PTPRZ1: variants seen among roughly 807,000 people sequenced by gnomAD.
PTPRZ1 encodes receptor-type tyrosine-protein phosphatase zeta.
Under a neutral mutation model 214.1 loss-of-function variants are expected in PTPRZ1, and 82 were observed. The observed-to-expected ratio is 0.38, with a 90% confidence interval of 0.32 to 0.46. The LOEUF is 0.46. PTPRZ1 is among the 20% of genes least tolerant of loss of function. The probability of loss-of-function intolerance (pLI) is 1.00; values close to 1 mark genes in which losing one functional copy is unlikely to be tolerated. For synonymous variants in PTPRZ1, 945 were observed against 987.9 expected (o/e 0.96, Z 0.81); for missense variants, 2,603 against 2,748.7 (o/e 0.95, Z 1.19).
intron 8 of PTPRZ1, among the ~76,000 whole-genome samples, chr7:121,996,062 TGCAGTAATAATGATAA>T (rs1254635985): frequency 1.3e-5 from 2 of 152,032 alleles, no homozygotes; most frequent in Admixed American, 6.6e-5. Context: ...ATGCAAATAA[TGCAGTAATAATGATAA>T]AATAGGCAAT....
chr7:122,045,793 G>T (rs1341741714), intron 23 of PTPRZ1, among the ~76,000 whole-genome samples: 2 of 151,494 alleles, frequency 1.3e-5, no homozygotes, highest in Non-Finnish European at 2.9e-5. Context: ...GATATGGTAA[G>T]CTAAATAATC....
At chr7:121,875,729 T>A (rs759365828) in intron 1 of PTPRZ1, among the ~76,000 whole-genome samples, 1 of 152,220 alleles carries the variant, frequency 6.6e-6, no homozygotes, top group Non-Finnish European at 1.5e-5. Flanking sequence ...CCTGGAGGCA[T>A]TGGCAACATC....
Position 121,968,025 on chromosome 7 carries a change from G to A in PTPRZ1, c.199G>A (p.Asp67Asn), listed in dbSNP as rs957458674. ...CCCAAAACAATCTCCTATCAATATT[G>A]ATGAAGATCTTACACAAGTAAATGT... ...NSPKQSPINI[D>N]EDLTQVNVNL... The change falls in exon 3 of 30, where the codon GAT becomes AAT. Residue 67 changes from aspartate to asparagine, a missense_variant. Physicochemically the swap from Asp to Asn is conservative, Grantham distance 23 (BLOSUM62 1). Coordinates refer to ENST00000393386, the MANE Select transcript of PTPRZ1 (RefSeq NM_002851.3). The A allele has an allele frequency of 1.9e-6, 3 of 1,594,520 alleles. No individual in the cohort carries two copies. Among genetic ancestry groups the A allele is most frequent in the Admixed American group, 1.7e-5 (1 of 59,008 alleles).
intron 1 of PTPRZ1, among the ~76,000 whole-genome samples, chr7:121,920,197 G>T (rs2116340884): frequency 6.6e-6 from 1 of 152,186 alleles, no homozygotes; most frequent in Admixed American, 6.6e-5. Context: ...AACTTCCTGA[G>T]TGACCCCAAT....
intron 8 of PTPRZ1, among the ~76,000 whole-genome samples, chr7:121,996,000 A>G (rs890992513): frequency 6.6e-6 from 1 of 152,240 alleles, no homozygotes; most frequent in Admixed American, 6.5e-5. Context: ...TCTTATGTTT[A>G]TAATCCACTA....
intron 11 of PTPRZ1, 43 bp downstream of exon 11, chr7:122,004,703 G>A: frequency 8.9e-7 from 1 of 1,126,588 alleles, no homozygotes; most frequent in Non-Finnish European, 1.3e-6. Context: ...AATATTAAAT[G>A]GTCTATTTTG....
rs141982430 is a variant in PTPRZ1 at position 122,011,557 on chromosome 7, A to T, written c.2511A>T (p.Thr837=). The change falls in exon 12 of 30, where the codon ACA becomes ACT. Residue 837 remains threonine, a synonymous_variant. Coordinates refer to ENST00000393386, the MANE Select transcript of PTPRZ1 (RefSeq NM_002851.3). ...FSSELFRHLH[T]VSQILPQVTS... is the part of the protein sequence containing the mutation. ...GTGAATTGTTTCGCCATCTGCATAC[A>T]GTTTCTCAAATCCTTCCACAAGTTA... The T allele has an allele frequency of 4.3e-6, 7 of 1,613,940 alleles. No homozygotes were observed. Among genetic ancestry groups the T allele is most frequent in the Non-Finnish European group, 5.9e-6 (7 of 1,179,972 alleles).
intron 29 of PTPRZ1, among the ~76,000 whole-genome samples, chr7:122,060,306 G>A (rs1792529367): frequency 6.6e-6 from 1 of 152,132 alleles, no homozygotes; most frequent in African/African-American, 2.4e-5. Context: ...CTTATTCGGG[G>A]CCGCTGAGTT....
intron 28 of PTPRZ1, chr7:122,059,339 AG>A (rs1447239253): frequency 1.2e-5 from 2 of 164,078 alleles, no homozygotes; most frequent in Non-Finnish European, 2.6e-5. Context: ...AAATCTTCCT[AG>A]GATTCCATCA....
chr7:122,020,521 C>T (rs1206668449), intron 13 of PTPRZ1, among the ~76,000 whole-genome samples: 3 of 152,054 alleles, frequency 2.0e-5, no homozygotes, highest in Non-Finnish European at 4.4e-5. Flanking sequence ...GTGCAAAGAT[C>T]GGGAAGTAGA....
At position 122,039,564 on chromosome 7, in the gene PTPRZ1, T is replaced by C. The variant is rs2150477477; in HGVS notation, c.5613T>C (p.Thr1871=). The C allele has an allele frequency of 1.9e-6, 3 of 1,613,652 alleles. No homozygotes were observed. Among genetic ancestry groups the C allele is most frequent in the East Asian group, 2.2e-5 (1 of 44,864 alleles). Residue 1871 remains threonine, a synonymous_variant, in exon 20 of 30, where the codon ACT becomes ACC. Transcript: ENST00000393386. The part of the protein sequence containing the change: ...VLAYYTVRNF[T]LRNTKIKKGS... ...CCTATTATACTGTGAGGAATTTTAC[T>C]CTAAGAAACACAAAAATAAAAAAGG...
chr7:121,982,479 C>T (rs1246852117), intron 6 of PTPRZ1, among the ~76,000 whole-genome samples: 8 of 152,174 alleles, frequency 5.3e-5, no homozygotes, highest in Non-Finnish European at 2.9e-5. Context: ...GGAAAATCAA[C>T]ACCTTCACAA....
intron 10 of PTPRZ1, among the ~76,000 whole-genome samples, chr7:121,998,899 A>G (rs192504901): frequency 6.6e-4 from 101 of 152,322 alleles, no homozygotes; most frequent in Admixed American, 2.0e-3. Flanking sequence ...TATATTAATT[A>G]TAGCCTATTT....
At chr7:121,947,944 T>C (rs978228523) in intron 2 of PTPRZ1, among the ~76,000 whole-genome samples, 1 of 152,178 alleles carries the variant, frequency 6.6e-6, no homozygotes, top group Non-Finnish European at 1.5e-5. Context: ...CTGTGAAATG[T>C]TTGGGGAGTT....
chr7:122,044,374 T>G (rs1455440674), intron 22 of PTPRZ1, 48 bp from the exon 23 acceptor site: 1 of 1,607,380 alleles, frequency 6.2e-7, no homozygotes, highest in Non-Finnish European at 8.5e-7. Context: ...GGTAGATACA[T>G]ATGAGGAAAA....
At chr7:121,998,745 G>C (rs4236613) in intron 10 of PTPRZ1, among the ~76,000 whole-genome samples, 3 of 151,784 alleles carry the variant, frequency 2.0e-5, no homozygotes, top group African/African-American at 7.3e-5. Context: ...TAGAATAGAC[G>C]TGCATATATG....
intron 2 of PTPRZ1, among the ~76,000 whole-genome samples, chr7:121,958,341 G>A (rs932662334): frequency 6.6e-6 from 1 of 152,112 alleles, no homozygotes; most frequent in African/African-American, 2.4e-5. Flanking sequence ...ACTCATTGTT[G>A]AAACCATGTT....
chr7:121,956,167 G>A (rs1195920770), intron 2 of PTPRZ1, among the ~76,000 whole-genome samples: 1 of 151,840 alleles, frequency 6.6e-6, no homozygotes, highest in Non-Finnish European at 1.5e-5. Context: ...CTCTCTGCTT[G>A]TCCATCAGGA....
intron 4 of PTPRZ1, among the ~76,000 whole-genome samples, chr7:121,973,372 CATGTT>C (rs529129873): frequency 1.1e-3 from 171 of 152,002 alleles, no homozygotes; most frequent in Non-Finnish European, 1.8e-3. Flanking sequence ...TAAAAAGAAA[CATGTT>C]AAGTGGTATA....
Sources: gnomAD v4.1 joint callset for allele counts (sites outside exome capture counted in the v4.1 genomes callset) on GRCh38, gnomAD v4.1.1 for gene constraint, MANE v1.5 for transcripts, NCBI Gene and HGNC (gene_info 2026-07-23, HGNC 2026-07-21) for gene names.